Variants in FLT1 observed in about 807,000 individuals in gnomAD.
FLT1 encodes the protein vascular endothelial growth factor receptor 1.
Under a neutral mutation model 156.3 loss-of-function variants are expected in FLT1, and 49 were observed. That is an observed-to-expected ratio of 0.31 (90% CI 0.25 to 0.40). The LOEUF is 0.40. FLT1 is among the 10% of genes least tolerant of loss of function. The pLI is 1.00. For synonymous variants in FLT1, 594 were observed against 583.8 expected (o/e 1.02, Z -0.25); for missense variants, 1,322 against 1,637.2 (o/e 0.81, Z 3.32).
intron 11 of FLT1, among the ~76,000 whole-genome samples, chr13:28,399,897 A>G (rs1223555220): frequency 6.6e-6 from 1 of 152,192 alleles, no homozygotes; most frequent in Non-Finnish European, 1.5e-5. Flanking sequence ...GCAGCATGCA[A>G]GGCACTTTAC....
intron 18 of FLT1, among the ~76,000 whole-genome samples, chr13:28,331,030 T>A (rs1206012751): frequency 6.6e-6 from 1 of 152,208 alleles, no homozygotes; most frequent in East Asian, 1.9e-4. Flanking sequence ...GTGAGCCCAT[T>A]CTTTTTAATT....
intron 28 of FLT1, among the ~76,000 whole-genome samples, chr13:28,308,017 C>T (rs894848907): frequency 6.6e-6 from 1 of 152,212 alleles, no homozygotes; most frequent in South Asian, 2.1e-4. Context: ...CGTGATCCGC[C>T]TGCCTTGGCC....
chr13:28,489,435 A>G (rs1209756057), intron 1 of FLT1, among the ~76,000 whole-genome samples: 1 of 152,198 alleles, frequency 6.6e-6, no homozygotes, highest in Non-Finnish European at 1.5e-5. Context: ...CCAAAGAGAA[A>G]GGACACAGAC....
chr13:28,478,334 T>C (rs771677244), intron 1 of FLT1, among the ~76,000 whole-genome samples: 3 of 152,248 alleles, frequency 2.0e-5, no homozygotes, highest in Non-Finnish European at 4.4e-5. Flanking sequence ...GTTTGGTCTA[T>C]GTCCAGATAT....
chr13:28,371,207 T>C (rs1873548488), intron 14 of FLT1, among the ~76,000 whole-genome samples: 4 of 152,186 alleles, frequency 2.6e-5, no homozygotes, highest in Admixed American at 2.6e-4. Flanking sequence ...CTCACTGTAA[T>C]CCATTATCTT....
At chr13:28,328,597 A>T (rs2138839206) in intron 19 of FLT1, among the ~76,000 whole-genome samples, 1 of 152,314 alleles carries the variant, frequency 6.6e-6, no homozygotes, top group East Asian at 1.9e-4. Flanking sequence ...TAGAAATCCT[A>T]ACAGCATCTC....
chr13:28,427,457 C>T (rs1877414928), intron 9 of FLT1, 139 bp from the exon 10 acceptor site: 4 of 835,450 alleles, frequency 4.8e-6, no homozygotes, highest in Non-Finnish European at 7.9e-6. Flanking sequence ...AATAAACCCT[C>T]CTATTTGTCA....
intron 12 of FLT1, among the ~76,000 whole-genome samples, chr13:28,395,536 T>C (rs1173739811): frequency 6.6e-6 from 1 of 152,216 alleles, no homozygotes; most frequent in African/African-American, 2.4e-5. Flanking sequence ...AAATACTGAT[T>C]ACATATTGAA....
At chr13:28,362,786 T>C (rs1055360562) in intron 14 of FLT1, among the ~76,000 whole-genome samples, 1 of 152,170 alleles carries the variant, frequency 6.6e-6, no homozygotes, top group South Asian at 2.1e-4. Flanking sequence ...AGGATGCTCA[T>C]GAGCTAACAT....
rs368885783 is a variant in FLT1 at position 28,372,065 on chromosome 13, TATATATATATA to T, written c.2116+12809_2116+12819del. Among the ~76,000 whole-genome samples the T allele has an allele frequency of 9.0e-4, 23 of 25,598 alleles. 3 individuals are homozygous for T. The East Asian group carries it at 9.4e-3, about 10-fold the overall frequency. The allele number at this position is 25,598 out of a possible 152,430, so 16.8% of individuals were successfully genotyped here. On this transcript the variant is annotated intron_variant, in intron 14 of 29. Coordinates refer to ENST00000282397, the MANE Select transcript of FLT1 (RefSeq NM_002019.4). ...GTGTGTGTGTATATATATATATATA[TATATATATATA>T]TTTTTTTTTTTTTTTTTTTTTTTGA...
Position 28,303,229 on chromosome 13 carries a change from C to G in FLT1, c.3955G>C (p.Ala1319Pro). 1 of 1,613,632 alleles carries G rather than the reference C, an allele frequency of 6.2e-7. No individual in the cohort carries two copies. The highest frequency in any genetic ancestry group is 8.5e-7 in the Non-Finnish European group (1 of 1,179,978). The change falls in exon 30 of 30, where the codon GCG becomes CCG. Residue 1319 changes from alanine (A) to proline (P), a missense_variant. Coordinates refer to ENST00000282397, the MANE Select transcript of FLT1 (RefSeq NM_002019.4). ...TAGTCTGGGGGCGGGGAGCAGCACGCGATTTTCCTTTCCAGCTCAGCGTGG... is the reference window on the plus strand; with the variant it reads ...TAGTCTGGGGGCGGGGAGCAGCACGGGATTTTCCTTTCCAGCTCAGCGTGG... ...YDHAELERKI[A>P]CCSPPPDYNS...
At chr13:28,433,703 A>C in intron 6 of FLT1, 116 bp downstream of exon 6, 1 of 974,856 alleles carries the variant, frequency 1.0e-6, no homozygotes, top group South Asian at 1.3e-5. Flanking sequence ...TTCTTTATTG[A>C]CTAACACTGC....
chr13:28,478,919 A>G (rs562045573), intron 1 of FLT1, among the ~76,000 whole-genome samples: 2 of 152,334 alleles, frequency 1.3e-5, no homozygotes, highest in South Asian at 4.1e-4. Context: ...ACAAATAATG[A>G]CAGAATACCA....
intron 1 of FLT1, among the ~76,000 whole-genome samples, chr13:28,485,807 G>C (rs1221147491): frequency 6.6e-6 from 1 of 152,158 alleles, no homozygotes; most frequent in East Asian, 1.9e-4. Flanking sequence ...CTGCCCCCAG[G>C]GAAAGGAAGC....
chr13:28,333,315 C>T (rs1195275445), intron 18 of FLT1, among the ~76,000 whole-genome samples: 2 of 152,158 alleles, frequency 1.3e-5, no homozygotes, highest in African/African-American at 4.8e-5. Context: ...TCATAAAATT[C>T]CATTACAGAT....
intron 29 of FLT1, 141 bp downstream of exon 29, chr13:28,306,537 A>T: frequency 1.4e-6 from 1 of 698,446 alleles, no homozygotes; most frequent in Non-Finnish European, 2.6e-6. Context: ...CTCTGGGGGG[A>T]AATGGTTTTC....
At chr13:28,406,327 T>A (rs1467874821) in intron 10 of FLT1, among the ~76,000 whole-genome samples, 1 of 152,190 alleles carries the variant, frequency 6.6e-6, no homozygotes, top group East Asian at 1.9e-4. Context: ...GGCTAAGTTT[T>A]TCCAGGGCTA....
chr13:28,387,126 A>G, intron 13 of FLT1: 1 of 1,036,212 alleles, frequency 9.7e-7, no homozygotes, highest in Non-Finnish European at 1.2e-6. Context: ...CAAAGGCCTT[A>G]TTTGTACTAC....
chr13:28,391,347 T>G (rs1286118555), intron 12 of FLT1, among the ~76,000 whole-genome samples: 1 of 152,194 alleles, frequency 6.6e-6, no homozygotes, highest in Non-Finnish European at 1.5e-5. Context: ...ACGACAAACC[T>G]GCCTCCCATT....
Sources: allele counts gnomAD v4.1 joint callset (sites outside exome capture counted in the v4.1 genomes callset), GRCh38; gene constraint gnomAD v4.1.1; transcripts MANE v1.5; gene names NCBI Gene and HGNC (gene_info 2026-07-23, HGNC 2026-07-21).